Variants in TTC28 observed in about 807,000 individuals in gnomAD.
TTC28 encodes the protein tetratricopeptide repeat protein 28.
In TTC28, 61 loss-of-function variants were observed where a neutral mutation model predicts 198.0. That is an observed-to-expected ratio of 0.31 (90% CI 0.25 to 0.38). The LOEUF is 0.38. TTC28 is among the 10% of genes least tolerant of loss of function. TTC28 has a pLI of 1.00. For synonymous variants in TTC28, 1,171 were observed against 1,297.8 expected, an observed-to-expected ratio of 0.90 and a Z score of 2.10; for missense variants, 2,678 against 3,164.0, an observed-to-expected ratio of 0.85 and a Z score of 3.69.
intron 2 of TTC28, among the ~76,000 whole-genome samples, chr22:28,456,662 A>G (rs1033313143): frequency 2.6e-5 from 4 of 152,018 alleles, no homozygotes; most frequent in Admixed American, 6.6e-5. Flanking sequence ...TGCAACCTCC[A>G]CCCCCAGGAT....
At chr22:28,525,190 C>G (rs2048983113) in intron 2 of TTC28, among the ~76,000 whole-genome samples, 1 of 152,070 alleles carries the variant, frequency 6.6e-6, no homozygotes, top group South Asian at 2.1e-4. Flanking sequence ...CACTCTGTCA[C>G]CGAGGCTGGA....
intron 2 of TTC28, among the ~76,000 whole-genome samples, chr22:28,401,781 T>G (rs2046912227): frequency 6.6e-6 from 1 of 151,998 alleles, no homozygotes. Flanking sequence ...ACAAAAAAAA[T>G]TTTTAAATAG....
chr22:28,286,821 A>G lies in TTC28; in HGVS notation c.933+9377T>C, dbSNP rs2044695285. ...ATGCACACACACACACACAAAACCTAAGGATAAAATTAAGAAATGATATGC... is the reference window on the plus strand; with the variant it reads ...ATGCACACACACACACACAAAACCTGAGGATAAAATTAAGAAATGATATGC... On this transcript the variant is annotated intron_variant, in intron 5 of 22. Coordinates refer to ENST00000397906, the MANE Select transcript of TTC28 (RefSeq NM_001145418.2). Among the ~76,000 whole-genome samples, 3 of 152,048 alleles carry G rather than the reference A, an allele frequency of 2.0e-5. 1 individual carries two copies. In the South Asian group the frequency reaches 6.2e-4, roughly 32 times the overall value.
At chr22:28,149,407 A>C (rs1474779638) in intron 6 of TTC28, among the ~76,000 whole-genome samples, 1 of 152,266 alleles carries the variant, frequency 6.6e-6, no homozygotes, top group Non-Finnish European at 1.5e-5. Flanking sequence ...ATACACAACG[A>C]AATACGAAAC....
chr22:28,115,652 C>G (rs1027079211), intron 6 of TTC28, among the ~76,000 whole-genome samples: 2 of 152,264 alleles, frequency 1.3e-5, no homozygotes, highest in African/African-American at 4.8e-5. Context: ...AACTCTTGCG[C>G]CATCGCACGT....
chr22:28,257,913 G>A (rs1316631352), intron 5 of TTC28, among the ~76,000 whole-genome samples: 2 of 151,486 alleles, frequency 1.3e-5, no homozygotes, highest in African/African-American at 2.4e-5. Flanking sequence ...ACCATCAGTT[G>A]ATTTTTATCA....
chr22:28,336,198 C>T (rs2045714642), intron 2 of TTC28, among the ~76,000 whole-genome samples: 1 of 152,114 alleles, frequency 6.6e-6, no homozygotes, highest in Non-Finnish European at 1.5e-5. Context: ...CCTGCTTGAT[C>T]GTGGTGTATA....
chr22:28,437,926 A>G (rs901214060), intron 2 of TTC28, among the ~76,000 whole-genome samples: 1 of 152,210 alleles, frequency 6.6e-6, no homozygotes, highest in Non-Finnish European at 1.5e-5. Flanking sequence ...ATAATGAGGC[A>G]CTAACTATAA....
intron 5 of TTC28, among the ~76,000 whole-genome samples, chr22:28,198,429 A>T (rs1925584939): frequency 6.6e-6 from 1 of 152,184 alleles, no homozygotes; most frequent in Non-Finnish European, 1.5e-5. Flanking sequence ...TTGTCACATT[A>T]TAGAAAAAAA....
chr22:28,456,637 A>T (rs897367062), intron 2 of TTC28, among the ~76,000 whole-genome samples: 4 of 152,118 alleles, frequency 2.6e-5, no homozygotes, highest in Admixed American at 6.5e-5. Flanking sequence ...GTGCAGTGGC[A>T]TGATCTCGGC....
rs969014082 is a variant in TTC28, at chr22:27,993,330, G to A, written c.5433C>T (p.Gly1811=). Residue 1811 remains glycine, a synonymous_variant, in exon 18 of 23, where the codon GGC becomes GGT. Transcript: ENST00000397906. ...TGCTGCTGCACTGCTGGAGCCGGTCGCCCGGGTCGGAGGTTGGGAAGAAGA... is the reference window on the plus strand; with the variant it reads ...TGCTGCTGCACTGCTGGAGCCGGTCACCCGGGTCGGAGGTTGGGAAGAAGA... ...AAVFFPTSDP[G]DRLQQCSSTL... 8 of 1,549,302 alleles carry A rather than the reference G, an allele frequency of 5.2e-6. No individual in the cohort carries two copies. The highest frequency in any genetic ancestry group is 2.0e-5 in the Admixed American group (1 of 50,916).
chr22:28,670,775 G>A (rs1239660606), intron 1 of TTC28, among the ~76,000 whole-genome samples: 2 of 150,048 alleles, frequency 1.3e-5, no homozygotes, highest in East Asian at 1.9e-4. Flanking sequence ...ATTTTGAGGA[G>A]ATGCCAAAGC....
intron 12 of TTC28, among the ~76,000 whole-genome samples, chr22:28,060,972 G>A (rs1285611596): frequency 6.6e-6 from 1 of 152,218 alleles, no homozygotes; most frequent in African/African-American, 2.4e-5. Flanking sequence ...GATGGCCAGT[G>A]AGGATGAGCA....
At chr22:28,473,623 C>T (rs1307562802) in intron 2 of TTC28, among the ~76,000 whole-genome samples, 1 of 152,182 alleles carries the variant, frequency 6.6e-6, no homozygotes, top group Non-Finnish European at 1.5e-5. Context: ...TTGGGAAACA[C>T]TGCCTATGGG....
chr22:28,012,701 G>A (rs570301846), intron 14 of TTC28, among the ~76,000 whole-genome samples: 13 of 152,138 alleles, frequency 8.5e-5, no homozygotes, highest in African/African-American at 1.7e-4. Flanking sequence ...TTGTAGAGAC[G>A]AGGTCTCACT....
chr22:28,646,186 G>T (rs1304861545), intron 1 of TTC28, among the ~76,000 whole-genome samples: 1 of 152,102 alleles, frequency 6.6e-6, no homozygotes, highest in Non-Finnish European at 1.5e-5. Context: ...CTCCTCCAAA[G>T]GACTCCTAGA....
chr22:28,086,465 T>C (rs1047885492), intron 12 of TTC28, among the ~76,000 whole-genome samples: 80 of 151,964 alleles, frequency 5.3e-4, no homozygotes, highest in Non-Finnish European at 9.6e-4. Context: ...TTGAAACCAA[T>C]GAGAACAAAG....
intron 2 of TTC28, among the ~76,000 whole-genome samples, chr22:28,600,745 C>A (rs1033849066): frequency 6.6e-6 from 1 of 152,154 alleles, no homozygotes; most frequent in East Asian, 1.9e-4. Context: ...AGAGGGCGCA[C>A]AAGTCTGCAA....
chr22:28,088,093 T>C lies in TTC28; in HGVS notation c.3932+5987A>G, dbSNP rs1209965547. ...GTGAAAATGGCCATACTGCCCAAGG[T>C]AATTTATAGATTCAATGCCATCCCC... On this transcript the variant is annotated intron_variant, in intron 12 of 22. Transcript: ENST00000397906. Among the ~76,000 whole-genome samples, 3 of 152,224 alleles carry C rather than the reference T, an allele frequency of 2.0e-5. No individual in the cohort carries two copies. In the East Asian group the frequency reaches 5.8e-4, roughly 29 times the overall value.
Sources: allele counts gnomAD v4.1 joint callset (sites outside exome capture counted in the v4.1 genomes callset), GRCh38; gene constraint gnomAD v4.1.1; transcripts MANE v1.5; gene names NCBI Gene and HGNC (gene_info 2026-07-23, HGNC 2026-07-21).